Variants in ABCB5 observed in about 807,000 individuals in gnomAD.
ABCB5 encodes the protein ATP binding cassette subfamily B member 5.
ABCB5 carries 155 observed loss-of-function variants against 144.2 expected under a neutral mutation model. The ratio of observed to expected loss-of-function variants is 1.08; its 90% CI spans 0.94 to 1.23. ABCB5 has a LOEUF of 1.23. Ranked by LOEUF, ABCB5 falls within the 50% of genes most tolerant of loss-of-function variation. The probability of loss-of-function intolerance (pLI) is 0.00; values close to 1 mark genes in which losing one functional copy is unlikely to be tolerated. For missense variants in ABCB5, 1,830 were observed against 1,520.8 expected (o/e 1.20, Z -3.38); for synonymous variants, 610 against 528.6 (o/e 1.15, Z -2.11).
At chr7:20,627,143 C>G (rs2128017880) in intron 3 of ABCB5, among the ~76,000 whole-genome samples, 1 of 152,152 alleles carries the variant, frequency 6.6e-6, no homozygotes, top group South Asian at 2.1e-4. Context: ...TGCATGTGTT[C>G]CCAGACATGG....
intron 10 of ABCB5, 132 bp from the exon 11 acceptor site, chr7:20,647,836 T>A (rs1355190693): frequency 1.8e-6 from 2 of 1,103,178 alleles, no homozygotes; most frequent in Non-Finnish European, 2.6e-6. Flanking sequence ...AACCTTCATG[T>A]CTAACTCAAT....
intron 1 of ABCB5, among the ~76,000 whole-genome samples, chr7:20,617,756 TC>T (rs1783718537): frequency 6.6e-6 from 1 of 152,076 alleles, no homozygotes; most frequent in Non-Finnish European, 1.5e-5. Context: ...TAGGTTAAAA[TC>T]AAAAGGATAA....
At chr7:20,728,202 C>G in intron 22 of ABCB5, 113 bp from the exon 23 acceptor site, 2 of 1,274,336 alleles carry the variant, frequency 1.6e-6, no homozygotes, top group Non-Finnish European at 2.1e-6. Context: ...CGAAAAATGC[C>G]TTTCCACCAA....
In ABCB5 at chr7:20,696,410, G is replaced by A. The variant is rs112553407; in HGVS notation, c.2011-1997G>A. Among the ~76,000 whole-genome samples the A allele has an allele frequency of 3.3e-5, 5 of 152,184 alleles. 1 individual carries two copies. The highest frequency in any genetic ancestry group is 9.6e-5 in the African/African-American group (4 of 41,564). ...AGCATATCAGTAGTTGCAGGAGGAA[G>A]GAAGGAAGAGGACTGGCAACTAAGA... On this transcript the variant is annotated intron_variant, in intron 16 of 27. Transcript: ENST00000404938.
At chr7:20,682,748 A>G (rs1785870135) in intron 15 of ABCB5, among the ~76,000 whole-genome samples, 1 of 152,174 alleles carries the variant, frequency 6.6e-6, no homozygotes, top group Admixed American at 6.5e-5. Flanking sequence ...GTAAAACCTT[A>G]CTATGTGCAT....
intron 21 of ABCB5, among the ~76,000 whole-genome samples, chr7:20,724,682 C>G (rs1362140177): frequency 2.0e-5 from 3 of 149,516 alleles, no homozygotes; most frequent in Non-Finnish European, 4.4e-5. Flanking sequence ...TTTCAGAGCT[C>G]TTGGCTACAC....
intron 3 of ABCB5, among the ~76,000 whole-genome samples, chr7:20,627,343 C>T (rs1057284967): frequency 2.0e-5 from 3 of 152,060 alleles, no homozygotes; most frequent in Admixed American, 2.0e-4. Context: ...TCTTAATGTC[C>T]GTAATGCTGA....
intron 13 of ABCB5, among the ~76,000 whole-genome samples, chr7:20,652,557 G>C (rs1259954760): frequency 6.7e-6 from 1 of 148,844 alleles, no homozygotes; most frequent in Non-Finnish European, 1.5e-5. Context: ...GCAACAGAGT[G>C]AGACTTTATG....
chr7:20,708,591 A>T lies in ABCB5; in HGVS notation c.2421+3784A>T, dbSNP rs996087144. Among the ~76,000 whole-genome samples the T allele has an allele frequency of 6.6e-5, 10 of 152,206 alleles. 1 individual carries two copies. Among genetic ancestry groups the T allele is most frequent in the African/African-American group, 2.4e-4 (10 of 41,450 alleles). On this transcript the variant is annotated intron_variant, in intron 20 of 27. Transcript: ENST00000404938. ...CTAAGCCATCAAACTGCTGAGTGGT[A>T]AGGTAAGTCAAAAATTTCCCTTGAC...
chr7:20,743,176 A>C (rs772320786), intron 25 of ABCB5, 102 bp downstream of exon 25: 2 of 1,255,358 alleles, frequency 1.6e-6, no homozygotes, highest in Non-Finnish European at 2.2e-6. Context: ...GGGGCAAACA[A>C]TGCAGAAGTT....
intron 16 of ABCB5, among the ~76,000 whole-genome samples, chr7:20,691,487 A>G (rs1019273283): frequency 2.0e-5 from 3 of 152,012 alleles, no homozygotes; most frequent in African/African-American, 7.2e-5. Flanking sequence ...GTATATATCT[A>G]CCAGAAAAGA....
At chr7:20,749,356 G>A (rs951151904) in intron 26 of ABCB5, among the ~76,000 whole-genome samples, 1 of 149,600 alleles carries the variant, frequency 6.7e-6, no homozygotes, top group Admixed American at 6.7e-5. Flanking sequence ...CCCTCCCCGG[G>A]AGCTGCGACC....
chr7:20,639,790 C>G (rs1292492196), intron 5 of ABCB5, among the ~76,000 whole-genome samples: 1 of 152,116 alleles, frequency 6.6e-6, no homozygotes, highest in Non-Finnish European at 1.5e-5. Context: ...TGTAAGTTCT[C>G]CAAATTTGTT....
At chr7:20,674,289 T>A (rs1785538106) in intron 14 of ABCB5, among the ~76,000 whole-genome samples, 1 of 151,990 alleles carries the variant, frequency 6.6e-6, no homozygotes, top group African/African-American at 2.4e-5. Flanking sequence ...AAACCTTTAA[T>A]GTAGCACAGT....
At chr7:20,715,948 G>C (rs1781662438) in intron 20 of ABCB5, among the ~76,000 whole-genome samples, 1 of 151,856 alleles carries the variant, frequency 6.6e-6, no homozygotes, top group Admixed American at 6.6e-5. Context: ...TCGAACTCCT[G>C]ACCTCTGGTG....
At chr7:20,708,781 C>T (rs1219670996) in intron 20 of ABCB5, among the ~76,000 whole-genome samples, 1 of 152,190 alleles carries the variant, frequency 6.6e-6, no homozygotes, top group East Asian at 1.9e-4. Flanking sequence ...TTTACATTTT[C>T]ACAAGCTTTG....
In ABCB5 at chr7:20,673,792, A is replaced by G. The variant is rs1393284685; in HGVS notation, c.1708-7713A>G. On this transcript the variant is annotated intron_variant, in intron 14 of 27. Transcript: ENST00000404938. ...GATTGATAGTATATTATTAAATTAAATCAGTCACCTTGCTACTTGTTTTCT... is the reference window on the plus strand; with the variant it reads ...GATTGATAGTATATTATTAAATTAAGTCAGTCACCTTGCTACTTGTTTTCT... 4.6e-5 allele frequency among the ~76,000 whole-genome samples: 7 copies of G among 152,112 alleles called. No homozygotes were observed. In the East Asian group the frequency reaches 1.2e-3, roughly 25 times the overall value.
At chr7:20,748,040 C>T (rs1782784879) in intron 26 of ABCB5, among the ~76,000 whole-genome samples, 1 of 152,178 alleles carries the variant, frequency 6.6e-6, no homozygotes, top group Non-Finnish European at 1.5e-5. Flanking sequence ...GTAACTACCG[C>T]ATTTTACAGA....
intron 16 of ABCB5, 27 bp from the exon 17 acceptor site, chr7:20,698,380 T>A (rs1712769119): frequency 6.5e-7 from 1 of 1,546,212 alleles, no homozygotes; most frequent in Admixed American, 2.2e-5. Context: ...CAAACTGGCA[T>A]TTTTAACCAA....
Sources: allele counts gnomAD v4.1 joint callset (sites outside exome capture counted in the v4.1 genomes callset), GRCh38; gene constraint gnomAD v4.1.1; transcripts MANE v1.5; gene names NCBI Gene and HGNC (gene_info 2026-07-23, HGNC 2026-07-21).